The following FAM234B variants were observed in gnomAD, a reference collection of about 807,000 sequenced individuals.
FAM234B encodes the protein family with sequence similarity 234 member B.
FAM234B carries 33 observed loss-of-function variants against 69.3 expected under a neutral mutation model. The ratio of observed to expected loss-of-function variants is 0.48; its 90% confidence interval spans 0.36 to 0.64. FAM234B has a LOEUF of 0.64. Among genes scored for constraint, FAM234B ranks in the 30% least tolerant of loss-of-function variants. FAM234B has a pLI of 0.00. For missense variants in FAM234B, 697 were observed against 769.7 expected (o/e 0.91, Z 1.12); for synonymous variants, 306 against 306.9 (o/e 1.00, Z 0.03).
At chr12:13,049,910 T>G (rs1864856889) in intron 1 of FAM234B, among the ~76,000 whole-genome samples, 1 of 152,180 alleles carries the variant, frequency 6.6e-6, no homozygotes, top group South Asian at 2.1e-4. Context: ...GATTATTACT[T>G]ATATTTAAAT....
At chr12:13,058,082 A>C (rs1417594457) in intron 2 of FAM234B, among the ~76,000 whole-genome samples, 2 of 152,166 alleles carry the variant, frequency 1.3e-5, no homozygotes, top group Non-Finnish European at 2.9e-5. Context: ...TAGGGAAGGC[A>C]GCCTTTTCTG....
chr12:13,083,436 ATACTC>A lies in FAM234B; in HGVS notation c.*2810_*2814del, dbSNP rs1484447872. The A allele has an allele frequency of 2.6e-5, 4 of 152,466 alleles. No homozygotes were observed. The highest frequency in any genetic ancestry group is 2.0e-4 in the Admixed American group (3 of 15,284). The allele number at this position is 152,466 out of a possible 1,614,324, so 9.4% of individuals were successfully genotyped here. On this transcript the variant is annotated 3_prime_UTR_variant, in exon 13 of 13. Coordinates refer to ENST00000197268, the MANE Select transcript of FAM234B (RefSeq NM_020853.2). Reference sequence around the variant, plus strand: ...GAACTGTTATAGAGTAAATAAATAAATACTCTACAGGAATACACTTGTGTGCCATT... The same window carrying A: ...GAACTGTTATAGAGTAAATAAATAAATACAGGAATACACTTGTGTGCCATT...
rs114368883 is a variant in FAM234B, at chr12:13,066,150, T to C, written c.853-490T>C. On this transcript the variant is annotated intron_variant, in intron 5 of 12. Transcript: ENST00000197268. ...TCTAGCTGGCAAAGGCTAAAATATA[T>C]ACTATTTGACCCTTCACAGAAAAAG... Among the ~76,000 whole-genome samples, 210 of 152,346 alleles carry C rather than the reference T, an allele frequency of 1.4e-3. 1 individual carries two copies. Among genetic ancestry groups the C allele is most frequent in the African/African-American group, 4.6e-3 (191 of 41,580 alleles).
rs926568286 is a variant in FAM234B, at chr12:13,044,688, G to C, written c.37+248G>C. 1.1e-4 allele frequency among the ~76,000 whole-genome samples: 16 copies of C among 152,326 alleles called. No homozygotes were observed. The highest frequency in any genetic ancestry group is 8.5e-4 in the Admixed American group (13 of 15,308). ...CGGAGACGCGCGGGGAGAGGGCGCCGAGCAGGTGTTACGGCGGGGAATGTC... is the reference window on the plus strand; with the variant it reads ...CGGAGACGCGCGGGGAGAGGGCGCCCAGCAGGTGTTACGGCGGGGAATGTC... On this transcript the variant is annotated intron_variant, in intron 1 of 12. Transcript: ENST00000197268. The surrounding 1 kb of genome is among the most constrained non-coding windows in gnomAD (Gnocchi z 5.6).
At chr12:13,057,723 G>T (rs1864945936) in intron 2 of FAM234B, among the ~76,000 whole-genome samples, 1 of 152,226 alleles carries the variant, frequency 6.6e-6, no homozygotes, top group Non-Finnish European at 1.5e-5. Context: ...GTGGTGGGGG[G>T]ATGGAAGTCC....
At chr12:13,068,536 T>C in intron 8 of FAM234B, 89 bp downstream of exon 8, 7 of 1,587,562 alleles carry the variant, frequency 4.4e-6, no homozygotes, top group Non-Finnish European at 6.0e-6. Flanking sequence ...GCAATTCTTA[T>C]ATCTGGGGCC....
At chr12:13,059,656 T>C (rs1415960257) in intron 3 of FAM234B, among the ~76,000 whole-genome samples, 1 of 152,164 alleles carries the variant, frequency 6.6e-6, no homozygotes, top group African/African-American at 2.4e-5. Context: ...TCTAGGTGTG[T>C]TTTAGAGAAT....
Position 13,082,672 on chromosome 12 carries a change from G to A in FAM234B, c.*2042G>A, listed in dbSNP as rs1041542501. 9 of 152,212 alleles carry A rather than the reference G, an allele frequency of 5.9e-5. No individual in the cohort carries two copies. Among genetic ancestry groups the A allele is most frequent in the African/African-American group, 2.2e-4 (9 of 41,444 alleles). 9.4% of individuals were successfully genotyped at this position (152,212 alleles called of 1,614,324 possible). ...TAGGCAGCTGAATACCCAAAACTTG[G>A]GTGGTGGTCCTGTGGTTTGGCTGAG... On this transcript the variant is annotated 3_prime_UTR_variant, in exon 13 of 13. Coordinates refer to ENST00000197268, the MANE Select transcript of FAM234B (RefSeq NM_020853.2).
intron 5 of FAM234B, among the ~76,000 whole-genome samples, chr12:13,064,258 AT>A (rs1430287886): frequency 7.2e-5 from 11 of 152,234 alleles, no homozygotes; most frequent in Non-Finnish European, 1.2e-4. Flanking sequence ...CGAACCAAGG[AT>A]TCAGGAATTA....
Position 13,066,636 on chromosome 12 carries a change from T to C in FAM234B, c.853-4T>C. On this transcript the variant is annotated splice_region_variant and splice_polypyrimidine_tract_variant and intron_variant, in intron 5 of 12. Transcript: ENST00000197268. Reference sequence around the variant, plus strand: ...GACTCCACCCCCCTCTCTTACTTCCTCAGCCAGATCTGTGCTTTCTGCTGG... The same window carrying C: ...GACTCCACCCCCCTCTCTTACTTCCCCAGCCAGATCTGTGCTTTCTGCTGG... The C allele has an allele frequency of 6.2e-7, 1 of 1,610,122 alleles. No homozygotes were observed. The highest frequency in any genetic ancestry group is 2.2e-5 in the East Asian group (1 of 44,806).
chr12:13,056,424 A>G (rs1489369808), intron 2 of FAM234B, among the ~76,000 whole-genome samples: 1 of 152,124 alleles, frequency 6.6e-6, no homozygotes, highest in African/African-American at 2.4e-5. Context: ...CTTGCTCCTC[A>G]TGGTTAGGGC....
intron 5 of FAM234B, 24 bp from the exon 6 acceptor site, chr12:13,066,616 C>T: frequency 6.3e-7 from 1 of 1,598,028 alleles, no homozygotes; most frequent in Non-Finnish European, 8.5e-7. Context: ...CTATTGACTC[C>T]ACCCCCCTCT....
intron 1 of FAM234B, among the ~76,000 whole-genome samples, chr12:13,053,623 A>G (rs1377356311): frequency 6.6e-6 from 1 of 152,206 alleles, no homozygotes; most frequent in African/African-American, 2.4e-5. Flanking sequence ...TCAAAGGGCA[A>G]TAAAGATCAC....
rs759775323 is a variant in FAM234B, at chr12:13,076,133, G to A, written c.1632G>A (p.Thr544=). 2.2e-5 allele frequency: 36 copies of A among 1,611,512 alleles called. No individual in the cohort carries two copies. Among genetic ancestry groups the A allele is most frequent in the Middle Eastern group, 1.6e-4 (1 of 6,076 alleles). Residue 544 remains threonine (T), a synonymous_variant, in exon 11 of 13, where the codon ACG becomes ACA. Transcript: ENST00000197268. ...LDLANTTGTV[T]ASEVGINDLW... ...TGGCCAACACCACCGGCACAGTGAC[G>A]GCTTCAGAGGGTGAGTCCCAGTGCC...
At chr12:13,050,142 T>C (rs1016548984) in intron 1 of FAM234B, among the ~76,000 whole-genome samples, 1 of 152,206 alleles carries the variant, frequency 6.6e-6, no homozygotes, top group African/African-American at 2.4e-5. Flanking sequence ...ATTTATTGCA[T>C]CTGAACTCCA....
intron 10 of FAM234B, among the ~76,000 whole-genome samples, chr12:13,073,027 A>G (rs2120498834): frequency 6.6e-6 from 1 of 152,346 alleles, no homozygotes; most frequent in Admixed American, 6.5e-5. Flanking sequence ...GATGAGAGGA[A>G]TGAGTAGGAA....
At position 13,067,774 on chromosome 12, in the gene FAM234B, C is replaced by T. The variant is rs1865056191; in HGVS notation, c.1142+478C>T. Among the ~76,000 whole-genome samples the T allele has an allele frequency of 6.6e-6, 1 of 152,196 alleles. No individual in the cohort carries two copies. Among genetic ancestry groups the T allele is most frequent in the Non-Finnish European group, 1.5e-5 (1 of 68,036 alleles). ...GCAGGGGATTTTACCCATTTAACCCCAAGCCTGGCTAATAATTGTTTCATT... is the reference window on the plus strand; with the variant it reads ...GCAGGGGATTTTACCCATTTAACCCTAAGCCTGGCTAATAATTGTTTCATT... On this transcript the variant is annotated intron_variant, in intron 7 of 12. Coordinates refer to ENST00000197268, the MANE Select transcript of FAM234B (RefSeq NM_020853.2). This position sits in a 1 kb window ranked among gnomAD's most constrained non-coding sequence, Gnocchi z 4.7.
rs1342744201 is a variant in FAM234B at position 13,081,300 on chromosome 12, A to G, written c.*670A>G. ...TTCCTTAGATTTTCCATCCATGTCT[A>G]TTAAGTGACCACAAGAATAACTATA... On this transcript the variant is annotated 3_prime_UTR_variant, in exon 13 of 13. Coordinates refer to ENST00000197268, the MANE Select transcript of FAM234B (RefSeq NM_020853.2). The G allele has an allele frequency of 1.3e-5, 2 of 152,264 alleles. No individual in the cohort carries two copies. Among genetic ancestry groups the G allele is most frequent in the Admixed American group, 1.3e-4 (2 of 15,284 alleles). 9.4% of individuals were successfully genotyped at this position (152,264 alleles called of 1,614,324 possible).
In FAM234B at chr12:13,080,863, C is replaced by T; in HGVS notation, c.*233C>T. ...TCCCTGCATTAATCCCCTCTAGGAA[C>T]TCTGCGTGGATCGTTTGGAAATGTG... On this transcript the variant is annotated 3_prime_UTR_variant, in exon 13 of 13. Transcript: ENST00000197268. The T allele has an allele frequency of 2.2e-6, 1 of 459,184 alleles. No homozygotes were observed. The highest frequency in any genetic ancestry group is 3.8e-6 in the Non-Finnish European group (1 of 261,778). The allele number at this position is 459,184 out of a possible 1,614,324, so 28.4% of individuals were successfully genotyped here.
Sources: gnomAD v4.1 joint callset for allele counts (sites outside exome capture counted in the v4.1 genomes callset) on GRCh38, gnomAD v4.1.1 for gene constraint, Gnocchi (gnomAD v3.1) non-coding constraint, MANE v1.5 for transcripts, NCBI Gene and HGNC (gene_info 2026-07-23, HGNC 2026-07-21) for gene names.